IL4I1: variants seen among roughly 807,000 people sequenced by gnomAD.
IL4I1 encodes L-amino-acid oxidase.
In IL4I1, 24 loss-of-function variants were observed where a neutral mutation model predicts 29.7. The ratio of observed to expected loss-of-function variants is 0.81; its 90% CI spans 0.59 to 1.14. The LOEUF is 1.14. Ranked by LOEUF, IL4I1 falls within the 50% of genes most tolerant of loss-of-function variation. The pLI, the probability that IL4I1 is intolerant of heterozygous loss-of-function variation, is 0.00. For synonymous variants in IL4I1, 371 were observed against 352.5 expected, an observed-to-expected ratio of 1.05 and a Z score of -0.59; for missense variants, 686 against 785.6, an observed-to-expected ratio of 0.87 and a Z score of 1.52.
rs568695492 is a variant in IL4I1 at position 49,892,003 on chromosome 19, C to T, written c.568-530G>A. On this transcript the variant is annotated intron_variant, in intron 5 of 7. Coordinates refer to ENST00000391826, the MANE Select transcript of IL4I1 (RefSeq NM_152899.2). The stretch of plus-strand genomic sequence containing the variant: ...TCCCCTGCCCACAGCCCTCCTGTAG[C>T]TCCCCAGTGCCTGGAGCCACAGAAT... Among the ~76,000 whole-genome samples the T allele has an allele frequency of 3.9e-5, 6 of 152,158 alleles. No individual in the cohort carries two copies. The East Asian group carries it at 1.2e-3, about 29-fold the overall frequency.
chr19:49,897,605 CAG>C (rs1287007489), upstream of IL4I1, among the ~76,000 whole-genome samples: 1 of 152,192 alleles, frequency 6.6e-6, no homozygotes, highest in Non-Finnish European at 1.5e-5. Context: ...CAGGGGCACT[CAG>C]GGGTTCTATG....
At position 49,889,943 on chromosome 19, in the gene IL4I1, G is replaced by A; in HGVS notation, c.1431C>T (p.Tyr477=). 6.2e-7 allele frequency: 1 copy of A among 1,601,658 alleles called. No individual in the cohort carries two copies. The highest frequency in any genetic ancestry group is 8.5e-7 in the Non-Finnish European group (1 of 1,174,672). The change falls in exon 8 of 8, where the codon TAC becomes TAT. Residue 477 remains tyrosine, a synonymous_variant. Coordinates refer to ENST00000391826, the MANE Select transcript of IL4I1 (RefSeq NM_152899.2). The part of the protein sequence containing the change: ...DDWTVPYGRI[Y]FAGEHTAYPH... ...GGTAGGCGGTGTGCTCGCCGGCAAA[G>A]TAGATGCGGCCATAAGGGACCGTCC...
intron 2 of IL4I1, chr19:49,908,329 G>A (rs548850043): frequency 6.2e-7 from 1 of 1,614,068 alleles, no homozygotes; most frequent in African/African-American, 1.3e-5. Flanking sequence ...TCTGCAGCAG[G>A]GCCGAGTTCT....
chr19:49,893,543 T>G (rs1340784406), intron 5 of IL4I1, among the ~76,000 whole-genome samples: 2 of 151,864 alleles, frequency 1.3e-5, no homozygotes, highest in Admixed American at 6.6e-5. Flanking sequence ...GATCAGGGTC[T>G]CGGGAGGCAG....
At chr19:49,907,484 T>C (rs1030832604) in intron 2 of IL4I1, 2 of 439,938 alleles carry the variant, frequency 4.5e-6, no homozygotes, top group Non-Finnish European at 9.0e-6. Flanking sequence ...ATGGTTAGCT[T>C]TCACAAGCAC....
At chr19:49,903,599 T>G (rs2075289373) in intron 3 of IL4I1, among the ~76,000 whole-genome samples, 1 of 152,180 alleles carries the variant, frequency 6.6e-6, no homozygotes, top group Non-Finnish European at 1.5e-5. Context: ...GGGCAGATTT[T>G]TAAAGCACCC....
At chr19:49,922,486 C>T (rs967858949) in intron 2 of IL4I1, among the ~76,000 whole-genome samples, 1 of 151,954 alleles carries the variant, frequency 6.6e-6, no homozygotes, top group Non-Finnish European at 1.5e-5. Flanking sequence ...CTCCGTCTCA[C>T]TGCTTGTAAA....
chr19:49,890,841 C>T, intron 7 of IL4I1, 130 bp downstream of exon 7: 1 of 872,214 alleles, frequency 1.1e-6, no homozygotes, highest in Non-Finnish European at 1.7e-6. Context: ...ACCCTTAGCC[C>T]CGCGACCATC....
rs374931872 is a variant in IL4I1, at chr19:49,894,111, C to T, written c.567+157G>A. Among the ~76,000 whole-genome samples the T allele has an allele frequency of 2.6e-5, 4 of 151,972 alleles. No individual in the cohort carries two copies. In the East Asian group the frequency reaches 7.7e-4, roughly 29 times the overall value. The stretch of plus-strand genomic sequence containing the variant: ...GTAGGTCAGTGGTTAGACCTCATGG[C>T]ACACATCCCCTTGGTAGAATTTCCA... On this transcript the variant is annotated intron_variant, in intron 5 of 7. Transcript: ENST00000391826.
At chr19:49,891,785 T>C (rs113527040) in intron 5 of IL4I1, among the ~76,000 whole-genome samples, 8,684 of 152,244 alleles carry the variant, frequency 0.057, 411 homozygotes, top group African/African-American at 0.12. Flanking sequence ...AGCCAGACTG[T>C]GAGCTCCATG....
chr19:49,923,314 T>G (rs2075808647), intron 2 of IL4I1, among the ~76,000 whole-genome samples: 1 of 152,190 alleles, frequency 6.6e-6, no homozygotes, highest in Non-Finnish European at 1.5e-5. Flanking sequence ...CTGGCTCCTC[T>G]CAGGGACCTC....
intron 2 of IL4I1, chr19:49,908,043 T>G: frequency 8.1e-7 from 1 of 1,232,986 alleles, no homozygotes; most frequent in Non-Finnish European, 1.1e-6. Context: ...CCCATGAGGC[T>G]GCTGCCTGGG....
chr19:49,929,480 G>C (rs1267074151), exon 1 of IL4I1: 1 of 152,566 alleles, frequency 6.6e-6, no homozygotes, highest in East Asian at 1.9e-4. Flanking sequence ...AGCCCTGGGG[G>C]GTGGGGAGTC....
Position 49,921,218 on chromosome 19 carries a change from C to G in IL4I1, c.-228+6476G>C, listed in dbSNP as rs193289200. Among the ~76,000 whole-genome samples the G allele has an allele frequency of 4.5e-4, 69 of 152,262 alleles. No homozygotes were observed. Among genetic ancestry groups the G allele is most frequent in the Non-Finnish European group, 9.0e-4 (61 of 68,016 alleles). On this transcript the variant is annotated intron_variant, in intron 2 of 9. Transcript: ENST00000341114. This position sits in a 1 kb window ranked among gnomAD's most constrained non-coding sequence, Gnocchi z 5.4. ...TGGCTCCCATTTATAAATGAGCAAACTGAGAAAGGGGAGAGGACTTCAGTC... is the reference window on the plus strand; with the variant it reads ...TGGCTCCCATTTATAAATGAGCAAAGTGAGAAAGGGGAGAGGACTTCAGTC...
chr19:49,911,322 A>C (rs2075456880), intron 2 of IL4I1: 1 of 152,244 alleles, frequency 6.6e-6, no homozygotes, highest in Non-Finnish European at 1.5e-5. Context: ...GGAGCCAAGG[A>C]AGGCAGAAGC....
Position 49,909,260 on chromosome 19 carries a change from G to A in IL4I1, c.-227-4939C>T, listed in dbSNP as rs756420654. The A allele has an allele frequency of 1.6e-5, 26 of 1,613,986 alleles. No homozygotes were observed. In the Middle Eastern group the frequency reaches 4.9e-4, roughly 31 times the overall value. ...AGTGAAGGGCAACGTGGCAGGTGCC[G>A]TGGGCTGGGCTGAATTCCCTGCTGA... On this transcript the variant is annotated intron_variant, in intron 2 of 9. Transcript: ENST00000341114.
chr19:49,906,645 C>T (rs756947054), intron 2 of IL4I1, among the ~76,000 whole-genome samples: 3 of 152,232 alleles, frequency 2.0e-5, no homozygotes, highest in Admixed American at 1.3e-4. Flanking sequence ...TTGCATTTGT[C>T]TATTACTCTG....
intron 3 of IL4I1, 68 bp from the exon 4 acceptor site, chr19:49,895,248 AC>A: frequency 7.8e-7 from 1 of 1,277,576 alleles, no homozygotes; most frequent in South Asian, 1.3e-5. Context: ...GCCCTCTACC[AC>A]CCCGTGCCAG....
Position 49,889,912 on chromosome 19 carries a change from C to G in IL4I1, c.1462G>C (p.Gly488Arg). ...FAGEHTAYPH[G>R]WVETAVKSAL... ...GACTTGACCGCCGTCTCCACCCAGC[C>G]GTGCGGGTAGGCGGTGTGCTCGCCG... The change falls in exon 8 of 8, where the codon GGC becomes CGC. Residue 488 changes from glycine to arginine, a missense_variant. Physicochemically the swap from Gly to Arg is moderately radical, Grantham distance 125. Coordinates refer to ENST00000391826, the MANE Select transcript of IL4I1 (RefSeq NM_152899.2). The G allele has an allele frequency of 6.2e-7, 1 of 1,609,556 alleles. No individual in the cohort carries two copies.
Sources: gnomAD v4.1 joint callset for allele counts (sites outside exome capture counted in the v4.1 genomes callset) on GRCh38, gnomAD v4.1.1 for gene constraint, Gnocchi (gnomAD v3.1) non-coding constraint, MANE v1.5 for transcripts, NCBI Gene and HGNC (gene_info 2026-07-23, HGNC 2026-07-21) for gene names.